Variants in ITPK1 observed in about 807,000 individuals in gnomAD.
ITPK1 encodes the protein inositol-tetrakisphosphate 1-kinase, also known as inositol 1,3,4-trisphosphate 5/6-kinase.
ITPK1 carries 21 observed loss-of-function variants against 45.3 expected under a neutral mutation model. That is an observed-to-expected ratio of 0.46 (90% CI 0.33 to 0.67). ITPK1 has a LOEUF of 0.67. ITPK1 is among the 30% of genes least tolerant of loss of function. ITPK1 has a pLI of 0.02. For missense variants in ITPK1, 474 were observed against 573.5 expected, an observed-to-expected ratio of 0.83 and a Z score of 1.77; for synonymous variants, 258 against 253.6, an observed-to-expected ratio of 1.02 and a Z score of -0.16.
At chr14:92,999,253 C>A (rs1278787803) in intron 4 of ITPK1, among the ~76,000 whole-genome samples, 3 of 152,244 alleles carry the variant, frequency 2.0e-5, no homozygotes, top group African/African-American at 7.2e-5. Context: ...TCTCGCAGCA[C>A]CTTCCCGTAT....
At chr14:92,963,025 GC>G (rs1885173405) in intron 5 of ITPK1, among the ~76,000 whole-genome samples, 176 bp from the exon 6 acceptor site, 2 of 152,218 alleles carry the variant, frequency 1.3e-5, no homozygotes, top group African/African-American at 4.8e-5. Context: ...CCACAGCCCT[GC>G]CGTTACATTG....
chr14:93,082,381 G>A (rs78696341), intron 2 of ITPK1, among the ~76,000 whole-genome samples: 1,713 of 152,276 alleles, frequency 0.011, 19 homozygotes, highest in South Asian at 0.02. Context: ...AACACAATTC[G>A]GGGGCGTAGG....
At chr14:92,983,733 T>C (rs1278580352) in intron 5 of ITPK1, among the ~76,000 whole-genome samples, 1 of 152,170 alleles carries the variant, frequency 6.6e-6, no homozygotes, top group Non-Finnish European at 1.5e-5. Flanking sequence ...GTGAGGAATG[T>C]TTATAATCTT....
rs8005576 is a variant in ITPK1 at position 92,980,485 on chromosome 14, T to C, written c.364+13395A>G. 8.9e-3 allele frequency among the ~76,000 whole-genome samples: 1,362 copies of C among 152,280 alleles called. 17 individuals are homozygous for C. Among genetic ancestry groups the C allele is most frequent in the African/African-American group, 0.031 (1,279 of 41,548 alleles). ...CTCTCACCAAGAGGGACCATCTCTA[T>C]TCCTGGTGATAACTTGGCCTTTCTT... On this transcript the variant is annotated intron_variant, in intron 5 of 10. Coordinates refer to ENST00000267615, the MANE Select transcript of ITPK1 (RefSeq NM_014216.6).
At chr14:92,992,636 A>G (rs1443060114) in intron 5 of ITPK1, among the ~76,000 whole-genome samples, 1 of 152,230 alleles carries the variant, frequency 6.6e-6, no homozygotes, top group African/African-American at 2.4e-5. Context: ...GAGGGAACCG[A>G]GGACTCACCT....
chr14:93,058,323 C>T lies in ITPK1; in HGVS notation c.120+18272G>A, dbSNP rs966782723. On this transcript the variant is annotated intron_variant, in intron 3 of 10. Transcript: ENST00000267615. ...GACAGAAGAACTGGGTCCGCTCTCA[C>T]AGAGGCCACGGGACACATTGCTGCT... Among the ~76,000 whole-genome samples, 3 of 147,372 alleles carry T rather than the reference C, an allele frequency of 2.0e-5. No homozygotes were observed. In the East Asian group the frequency reaches 6.1e-4, roughly 30 times the overall value.
At chr14:93,109,763 G>A (rs1234595579) in intron 2 of ITPK1, among the ~76,000 whole-genome samples, 1 of 152,186 alleles carries the variant, frequency 6.6e-6, no homozygotes, top group Non-Finnish European at 1.5e-5. Flanking sequence ...CCCCTCCTTA[G>A]CTATGCCCAC....
At chr14:93,084,268 T>C (rs565401737) in intron 2 of ITPK1, among the ~76,000 whole-genome samples, 2 of 152,346 alleles carry the variant, frequency 1.3e-5, no homozygotes, top group Non-Finnish European at 1.5e-5. Context: ...GACCTCCAGC[T>C]AGCGCTGGTT....
chr14:92,976,341 AC>A (rs1489019061), intron 5 of ITPK1, among the ~76,000 whole-genome samples: 34 of 152,128 alleles, frequency 2.2e-4, no homozygotes, highest in Admixed American at 1.4e-3. Context: ...TAGAATATGG[AC>A]TCTGGAAGCA....
Position 92,940,190 on chromosome 14 carries a change from C to T in ITPK1, c.*1371G>A, listed in dbSNP as rs750944497. On this transcript the variant is annotated 3_prime_UTR_variant, in exon 11 of 11. Coordinates refer to ENST00000267615, the MANE Select transcript of ITPK1 (RefSeq NM_014216.6). ...TCGGGACACTCAGCACTTTCTCTAG[C>T]GTCCTCCATCTCACTGGGCAGAGGA... 75 of 985,772 alleles carry T rather than the reference C, an allele frequency of 7.6e-5. No homozygotes were observed. The highest frequency in any genetic ancestry group is 8.8e-5 in the Non-Finnish European group (73 of 830,250). 61.1% of individuals were successfully genotyped at this position (985,772 alleles called of 1,614,324 possible). A position where few individuals can be genotyped will look rare whatever the true frequency, so the allele number is the denominator to read the frequency against.
chr14:92,993,531 TTACGTAAC>T (rs1418128084), intron 5 of ITPK1, among the ~76,000 whole-genome samples: 2 of 152,152 alleles, frequency 1.3e-5, no homozygotes, highest in Non-Finnish European at 2.9e-5. Flanking sequence ...CTCCGCGCAG[TTACGTAAC>T]TCCACTTGCT....
rs746821667 is a variant in ITPK1 at position 92,941,894 on chromosome 14, G to A, written c.912C>T (p.Gly304=). The part of the protein sequence containing the change: ...IDINAFPGYE[G]VSEFFTDLLN... ...GGAGGTCTGTGAAGAACTCGCTCAC[G>A]CCCTCGTAGCCTGGGGGTGGGAGAG... Residue 304 remains glycine (G), a synonymous_variant, in exon 11 of 11, where the codon GGC becomes GGT. Coordinates refer to ENST00000267615, the MANE Select transcript of ITPK1 (RefSeq NM_014216.6). 5.3e-5 allele frequency: 85 copies of A among 1,611,574 alleles called. No individual in the cohort carries two copies. Among genetic ancestry groups the A allele is most frequent in the Middle Eastern group, 5.0e-4 (3 of 6,036 alleles).
chr14:93,015,857 G>A (rs1888149858), intron 4 of ITPK1, among the ~76,000 whole-genome samples: 1 of 152,200 alleles, frequency 6.6e-6, no homozygotes, highest in Non-Finnish European at 1.5e-5. Flanking sequence ...AGGCGGGTAA[G>A]ATTCCCTTTG....
rs1030779838 is a variant in ITPK1, at chr14:92,940,381, T to G, written c.*1180A>C. 22 of 1,011,070 alleles carry G rather than the reference T, an allele frequency of 2.2e-5. No homozygotes were observed. The highest frequency in any genetic ancestry group is 1.2e-4 in the South Asian group (3 of 26,012). 62.6% of individuals were successfully genotyped at this position (1,011,070 alleles called of 1,614,324 possible). A position where few individuals can be genotyped will look rare whatever the true frequency, so the allele number is the denominator to read the frequency against. ...CAGAGGGGGCTGCCTGGATCAGGGG[T>G]CAGACGGCAGAGCCAGTGCTTTGCT... On this transcript the variant is annotated 3_prime_UTR_variant, in exon 11 of 11. Transcript: ENST00000267615.
At position 92,970,566 on chromosome 14, in the gene ITPK1, G is replaced by C. The variant is rs1442344606; in HGVS notation, c.365-7717C>G. ...ATATGGCAGGAAACTGGGGCAAGAG[G>C]GGCCCCATTGTGTTGCTGATAGAGC... On this transcript the variant is annotated intron_variant, in intron 5 of 10. Coordinates refer to ENST00000267615, the MANE Select transcript of ITPK1 (RefSeq NM_014216.6). Among the ~76,000 whole-genome samples the C allele has an allele frequency of 2.0e-5, 3 of 152,224 alleles. No homozygotes were observed. The East Asian group carries it at 5.8e-4, about 29-fold the overall frequency.
intron 5 of ITPK1, among the ~76,000 whole-genome samples, chr14:92,982,814 C>A (rs570614322): frequency 6.6e-6 from 1 of 152,228 alleles, no homozygotes; most frequent in Admixed American, 6.5e-5. Flanking sequence ...GGGGGCATTT[C>A]GCCAGTGGCC....
rs760114755 is a variant in ITPK1, at chr14:93,115,180, G to A, written c.-17C>T. ...GGTCTGCATCTTCCTCCTCGGGCGG[G>A]GAGCCTGGGTCCGGAGGAAATCGCC... On this transcript the variant is annotated 5_prime_UTR_variant, in exon 2 of 11. Transcript: ENST00000267615. The A allele has an allele frequency of 1.9e-6, 3 of 1,580,738 alleles. No individual in the cohort carries two copies. Among genetic ancestry groups the A allele is most frequent in the African/African-American group, 1.4e-5 (1 of 73,156 alleles).
In ITPK1 at chr14:92,971,064, C is replaced by T. The variant is rs555127207; in HGVS notation, c.365-8215G>A. ...GCACCAACCCATGGCCTGGAAGACT[C>T]CTGCTTATCCTCCAACATGGGTCAG... On this transcript the variant is annotated intron_variant, in intron 5 of 10. Transcript: ENST00000267615. Among the ~76,000 whole-genome samples, 5 of 152,302 alleles carry T rather than the reference C, an allele frequency of 3.3e-5. No homozygotes were observed. The South Asian group carries it at 1.0e-3, about 32-fold the overall frequency.
At chr14:92,956,121 C>CTT (rs5810617) in intron 8 of ITPK1, among the ~76,000 whole-genome samples, 27 of 139,190 alleles carry the variant, frequency 1.9e-4, no homozygotes, top group East Asian at 1.4e-3. Flanking sequence ...GCTTAGTCTG[C>CTT]TTTTTTTTTT....
Sources: gnomAD v4.1 joint callset for allele counts (sites outside exome capture counted in the v4.1 genomes callset) on GRCh38, gnomAD v4.1.1 for gene constraint, MANE v1.5 for transcripts, NCBI Gene and HGNC (gene_info 2026-07-23, HGNC 2026-07-21) for gene names.